Variants in ERC1 observed in about 807,000 individuals in gnomAD.
ERC1 encodes ELKS/RAB6-interacting/CAST family member 1.
Under a neutral mutation model 132.0 loss-of-function variants are expected in ERC1, and 56 were observed. The observed-to-expected ratio is 0.42, with a 90% CI of 0.34 to 0.53. ERC1 has a LOEUF of 0.53. Ranked by LOEUF, ERC1 falls within the 20% of genes least tolerant of loss-of-function variation. ERC1 has a pLI of 0.03. For missense variants in ERC1, 1,202 were observed against 1,349.9 expected (o/e 0.89, Z 1.72); for synonymous variants, 478 against 476.1 (o/e 1.00, Z -0.05).
At chr12:1,242,492 G>T (rs916187806) in intron 13 of ERC1, among the ~76,000 whole-genome samples, 1 of 151,962 alleles carries the variant, frequency 6.6e-6, no homozygotes, top group Non-Finnish European at 1.5e-5. Flanking sequence ...TAATAGAGAA[G>T]AAAAAGGCAA....
In ERC1 at chr12:1,190,002, G is replaced by A. The variant is rs1955540150; in HGVS notation, c.2301G>A (p.Glu767=). The A allele has an allele frequency of 1.2e-6, 2 of 1,613,864 alleles. No individual in the cohort carries two copies. The highest frequency in any genetic ancestry group is 2.7e-5 in the African/African-American group (2 of 74,870). ...EVDRLLEILK[E]VENEKNDKDK... ...ATCGACTCTTAGAAATCTTGAAGGA[G>A]GTGGAAAATGAGAAGAATGACAAAG... Residue 767 remains glutamate, a synonymous_variant, in exon 12 of 19, where the codon GAG becomes GAA. Coordinates refer to ENST00000360905, the MANE Select transcript of ERC1 (RefSeq NM_178040.4).
chr12:1,310,604 A>G (rs528189436), intron 15 of ERC1, among the ~76,000 whole-genome samples: 3 of 152,368 alleles, frequency 2.0e-5, no homozygotes, highest in Admixed American at 6.5e-5. Context: ...AGGGAGATGC[A>G]GTAGTTCTGT....
intron 12 of ERC1, among the ~76,000 whole-genome samples, chr12:1,224,881 C>T (rs2074430448): frequency 6.6e-6 from 1 of 151,874 alleles, no homozygotes; most frequent in Non-Finnish European, 1.5e-5. Context: ...GTCCCGGCTA[C>T]TTGGGAGGCT....
At chr12:1,438,954 A>AAAAAAAAAAAATATATATATATATAT (rs1015181197) in intron 17 of ERC1, among the ~76,000 whole-genome samples, 24 of 143,544 alleles carry the variant, frequency 1.7e-4, no homozygotes, top group African/African-American at 6.0e-4. Flanking sequence ...TTTAAAAAAA[A>AAAAAAAAAAAATATATATATATATAT]ATATATATAT....
rs113427953 is a variant in ERC1 at position 1,491,595 on chromosome 12, TG to T, written c.*1370del. On this transcript the variant is annotated 3_prime_UTR_variant, in exon 19 of 19. Transcript: ENST00000360905. ...AGTTCCCTAATGGAATTCATGAGTTTGGGGGTCTCAGTCACCCGCTTGCCTG... is the reference window on the plus strand; with the variant it reads ...AGTTCCCTAATGGAATTCATGAGTTTGGGGTCTCAGTCACCCGCTTGCCTG... 4.4e-6 allele frequency: 1 copy of T among 228,646 alleles called. No homozygotes were observed. Among genetic ancestry groups the T allele is most frequent in the East Asian group, 6.2e-5 (1 of 16,156 alleles). The allele number at this position is 228,646 out of a possible 1,614,324, so 14.2% of individuals were successfully genotyped here.
chr12:1,418,682 CTTT>C (rs2092292606), intron 17 of ERC1, among the ~76,000 whole-genome samples: 1 of 95,864 alleles, frequency 1.0e-5, no homozygotes. Context: ...TTCTTTCTTT[CTTT>C]CTTTCTTTCT....
At chr12:1,209,674 G>A (rs1260320116) in intron 12 of ERC1, among the ~76,000 whole-genome samples, 2 of 152,146 alleles carry the variant, frequency 1.3e-5, no homozygotes, top group Non-Finnish European at 2.9e-5. Flanking sequence ...TTAAAATAGA[G>A]TTCTTATTTG....
At chr12:1,483,582 T>G (rs889108435) in intron 18 of ERC1, among the ~76,000 whole-genome samples, 1 of 151,716 alleles carries the variant, frequency 6.6e-6, no homozygotes, top group Non-Finnish European at 1.5e-5. Flanking sequence ...TATTTCTTAT[T>G]GCAAAATTGA....
chr12:1,212,156 G>A (rs6489270), intron 12 of ERC1, among the ~76,000 whole-genome samples: 66,072 of 151,852 alleles, frequency 0.44, 16,234 homozygotes, highest in African/African-American at 0.67. Context: ...GGTAAGCTAC[G>A]CATTCCTTGC....
Position 1,494,789 on chromosome 12 carries a change from A to G in ERC1, c.*4559A>G, listed in dbSNP as rs539474827. 1 of 230,370 alleles carries G rather than the reference A, an allele frequency of 4.3e-6. No homozygotes were observed. Among genetic ancestry groups the G allele is most frequent in the Non-Finnish European group, 8.6e-6 (1 of 116,278 alleles). 14.3% of individuals were successfully genotyped at this position (230,370 alleles called of 1,614,324 possible). ...GTTGTTGAGATTATTAAAAGATTAA[A>G]ACGTAGTTGTAGAAATGAAAAATTA... On this transcript the variant is annotated 3_prime_UTR_variant, in exon 19 of 19. Transcript: ENST00000360905.
chr12:1,052,929 C>T (rs145606959), intron 2 of ERC1, among the ~76,000 whole-genome samples: 104 of 151,668 alleles, frequency 6.9e-4, no homozygotes, highest in African/African-American at 2.3e-3. Context: ...AAGATGGTGC[C>T]GTTGCACTCC....
chr12:1,037,937 G>A (rs1383289922), intron 2 of ERC1, among the ~76,000 whole-genome samples: 1 of 151,782 alleles, frequency 6.6e-6, no homozygotes, highest in East Asian at 1.9e-4. Flanking sequence ...CCAGCTACTC[G>A]GGAGGCTGAG....
At chr12:1,361,628 C>A (rs1488042591) in intron 15 of ERC1, among the ~76,000 whole-genome samples, 1 of 152,100 alleles carries the variant, frequency 6.6e-6, no homozygotes, top group African/African-American at 2.4e-5. Context: ...AATTCGCATT[C>A]CACCGTCATG....
chr12:1,281,412 A>G (rs1439366355), intron 14 of ERC1, among the ~76,000 whole-genome samples: 2 of 152,178 alleles, frequency 1.3e-5, no homozygotes, highest in African/African-American at 2.4e-5. Context: ...ACCTCTATTC[A>G]TATTTCATTT....
At chr12:1,119,511 T>TTGTG (rs1180385226) in intron 7 of ERC1, among the ~76,000 whole-genome samples, 17 of 138,942 alleles carry the variant, frequency 1.2e-4, no homozygotes, top group African/African-American at 4.4e-4. Flanking sequence ...TACTTCTTCT[T>TTGTG]TGTGTGTGTG....
chr12:1,400,916 A>ATTTTTTT lies in ERC1; in HGVS notation c.2926-7202_2926-7196dup, dbSNP rs869202443. Among the ~76,000 whole-genome samples the ATTTTTTT allele has an allele frequency of 1.5e-3, 22 of 15,050 alleles. 3 individuals are homozygous for ATTTTTTT. The highest frequency in any genetic ancestry group is 1.8e-3 in the Non-Finnish European group (16 of 9,116). The allele number at this position is 15,050 out of a possible 152,430, so 9.9% of individuals were successfully genotyped here. A position where few individuals can be genotyped will look rare whatever the true frequency, so the allele number is the denominator to read the frequency against. ...TCAATATTGTTTTGGCTATTTTTGT[A>ATTTTTTT]TTTTTTTTTTTTTTTTTTTTTTTTT... On this transcript the variant is annotated intron_variant, in intron 16 of 18. Transcript: ENST00000360905.
chr12:1,174,700 A>G (rs912417578), intron 8 of ERC1, among the ~76,000 whole-genome samples: 2 of 152,248 alleles, frequency 1.3e-5, no homozygotes, highest in African/African-American at 4.8e-5. Context: ...CTCATAAAAC[A>G]AATCTGTCTT....
intron 17 of ERC1, among the ~76,000 whole-genome samples, chr12:1,426,204 A>G (rs1591980293): frequency 6.6e-6 from 1 of 151,786 alleles, no homozygotes; most frequent in Non-Finnish European, 1.5e-5. Context: ...CCTGGGTTCA[A>G]GTGATTCTCC....
chr12:1,112,248 G>A lies in ERC1; in HGVS notation c.1351G>A (p.Glu451Lys), dbSNP rs1330994664. ...EQLKEELSSKEAQWEELKKKA... is the reference protein window; with the variant it reads ...EQLKEELSSKKAQWEELKKKA... ...ACTGAAGGAGGAACTAAGTTCGAAA[G>A]AGGCTCAATGGGAGGAGCTGAAAAA... is the stretch of plus-strand genomic sequence containing the variant. The change falls in exon 6 of 19, where the codon GAG becomes AAG. Residue 451 changes from glutamate to lysine, a missense_variant. Transcript: ENST00000360905. The A allele has an allele frequency of 6.2e-7, 1 of 1,613,516 alleles. No homozygotes were observed. Among genetic ancestry groups the A allele is most frequent in the Admixed American group, 1.7e-5 (1 of 60,016 alleles).
Sources: allele counts gnomAD v4.1 joint callset (sites outside exome capture counted in the v4.1 genomes callset), GRCh38; gene constraint gnomAD v4.1.1; transcripts MANE v1.5; gene names NCBI Gene and HGNC (gene_info 2026-07-23, HGNC 2026-07-21).